The following RNF144A variants were observed in gnomAD, a reference collection of about 807,000 sequenced individuals.
RNF144A encodes the protein ring finger protein 144A.
In RNF144A, 11 loss-of-function variants were observed where a neutral mutation model predicts 38.7. That is an observed-to-expected ratio of 0.28 (90% CI 0.18 to 0.47). The LOEUF is 0.47. Ranked by LOEUF, RNF144A falls within the 20% of genes least tolerant of loss-of-function variation. The pLI is 0.99. For synonymous variants in RNF144A, 149 were observed against 143.9 expected, an observed-to-expected ratio of 1.04 and a Z score of -0.25; for missense variants, 316 against 377.2, an observed-to-expected ratio of 0.84 and a Z score of 1.34.
At chr2:7,034,398 C>A (rs754635050) in intron 8 of RNF144A, among the ~76,000 whole-genome samples, 1 of 152,188 alleles carries the variant, frequency 6.6e-6, no homozygotes. Flanking sequence ...GGACGCCCAC[C>A]CTCCTTAGGA....
intron 6 of RNF144A, among the ~76,000 whole-genome samples, chr2:7,066,047 T>C (rs1674199731): frequency 6.6e-6 from 1 of 152,212 alleles, no homozygotes; most frequent in Non-Finnish European, 1.5e-5. Context: ...CTTTAATGTT[T>C]TGTTTTCCAA....
At chr2:7,069,228 T>A (rs1004293026), downstream of RNF144A, among the ~76,000 whole-genome samples, 4 of 152,202 alleles carry the variant, frequency 2.6e-5, no homozygotes, top group Admixed American at 1.3e-4. Flanking sequence ...CCTCCCACTG[T>A]CTCCTGCATG....
At position 7,040,684 on chromosome 2, in the gene RNF144A, T is replaced by C; in HGVS notation, c.*924T>C. 1.0e-6 allele frequency: 1 copy of C among 985,478 alleles called. No homozygotes were observed. The highest frequency in any genetic ancestry group is 1.2e-6 in the Non-Finnish European group (1 of 829,948). The allele number at this position is 985,478 out of a possible 1,614,324, so 61.0% of individuals were successfully genotyped here. On this transcript the variant is annotated 3_prime_UTR_variant, in exon 9 of 9. Transcript: ENST00000320892. ...TGCCGTCTGGCCTCTGGCCTCAGTC[T>C]TCAGATAGACAGTAAGAAGAAAGCA...
At chr2:6,959,119 C>T (rs1667180748) in intron 2 of RNF144A, among the ~76,000 whole-genome samples, 1 of 152,172 alleles carries the variant, frequency 6.6e-6, no homozygotes, top group African/African-American at 2.4e-5. Flanking sequence ...CCTCTGCATC[C>T]CTGTGGCCAA....
At chr2:7,009,786 C>T (rs1055784157) in intron 3 of RNF144A, among the ~76,000 whole-genome samples, 7 of 152,190 alleles carry the variant, frequency 4.6e-5, no homozygotes, top group African/African-American at 1.4e-4. Context: ...AGCCCTCCAG[C>T]CTGTGCTGAG....
At chr2:6,939,279 G>A (rs1665812349) in intron 1 of RNF144A, among the ~76,000 whole-genome samples, 1 of 152,184 alleles carries the variant, frequency 6.6e-6, no homozygotes. Context: ...AGCCATCCTA[G>A]TGGGTGTGAA....
chr2:6,945,025 G>T (rs1666242975), intron 2 of RNF144A, among the ~76,000 whole-genome samples: 1 of 152,196 alleles, frequency 6.6e-6, no homozygotes, highest in Admixed American at 6.5e-5. Context: ...TTTTTCCCAA[G>T]TAGGAAATAT....
chr2:7,071,621 C>T (rs957161308), downstream of RNF144A, among the ~76,000 whole-genome samples: 1 of 152,128 alleles, frequency 6.6e-6, no homozygotes. Context: ...AAGAAGGAGG[C>T]CTGGCATTTA....
chr2:7,015,933 A>T (rs1671107562), intron 5 of RNF144A, among the ~76,000 whole-genome samples: 1 of 152,038 alleles, frequency 6.6e-6, no homozygotes, highest in Non-Finnish European at 1.5e-5. Flanking sequence ...AGGAGACCAG[A>T]GGACAATATC....
chr2:6,962,534 T>G lies in RNF144A; in HGVS notation c.-12+21387T>G, dbSNP rs1667410408. Among the ~76,000 whole-genome samples the G allele has an allele frequency of 6.6e-6, 1 of 152,220 alleles. No individual in the cohort carries two copies. Among genetic ancestry groups the G allele is most frequent in the African/African-American group, 2.4e-5 (1 of 41,440 alleles). On this transcript the variant is annotated intron_variant, in intron 2 of 8. Coordinates refer to ENST00000320892, the MANE Select transcript of RNF144A (RefSeq NM_014746.6). The surrounding 1 kb of genome is among the most constrained non-coding windows in gnomAD (Gnocchi z 4.1). ...GACTCTTTTTGATCTCATAATTTCT[T>G]TCTACCTCCCATATCAAAACTTTGT...
intron 3 of RNF144A, among the ~76,000 whole-genome samples, chr2:7,007,808 G>A (rs1417280107): frequency 1.3e-5 from 2 of 152,142 alleles, no homozygotes; most frequent in Admixed American, 1.3e-4. Flanking sequence ...CTGTGAATCC[G>A]GGTTTTCATA....
chr2:6,974,444 A>T (rs1375022568), intron 2 of RNF144A, among the ~76,000 whole-genome samples: 1 of 152,182 alleles, frequency 6.6e-6, no homozygotes, highest in East Asian at 1.9e-4. Context: ...AGATAATAAT[A>T]CTACCTCACT....
At chr2:7,024,289 G>A (rs188357541) in intron 6 of RNF144A, 80 bp from the exon 7 acceptor site, 24 of 1,254,414 alleles carry the variant, frequency 1.9e-5, no homozygotes, top group Admixed American at 4.9e-5. Flanking sequence ...AAGTGGAGCC[G>A]ATGCTTCCAG....
At position 7,024,397 on chromosome 2, in the gene RNF144A, G is replaced by C. The variant is rs771191884; in HGVS notation, c.538G>C (p.Ala180Pro). 1 of 1,609,106 alleles carries C rather than the reference G, an allele frequency of 6.2e-7. No homozygotes were observed. The highest frequency in any genetic ancestry group is 8.5e-7 in the Non-Finnish European group (1 of 1,175,624). The change falls in exon 7 of 9, where the codon GCG (alanine) becomes CCG (proline). Residue 180 changes from alanine to proline, a missense_variant. Coordinates refer to ENST00000320892, the MANE Select transcript of RNF144A (RefSeq NM_014746.6). ...SAAFKMEEDD[A>P]PIKRCPKCKV... ...TGCTTTCAAAATGGAAGAAGATGAC[G>C]CGCCCATCAAGCGCTGCCCCAAGTG...
chr2:6,952,366 T>A (rs955681847), intron 2 of RNF144A, among the ~76,000 whole-genome samples: 1 of 147,402 alleles, frequency 6.8e-6, no homozygotes, highest in African/African-American at 2.5e-5. Context: ...TTTCCTTAAC[T>A]GCTTTTGTCT....
Position 6,962,850 on chromosome 2 carries a change from C to A in RNF144A, c.-12+21703C>A, listed in dbSNP as rs377307461. ...ATGACTGGCCCAGCCTTGCTGGTCT[C>A]CATGGTTTATGCCATCATGATGCCA... On this transcript the variant is annotated intron_variant, in intron 2 of 8. Transcript: ENST00000320892. This position sits in a 1 kb window ranked among gnomAD's most constrained non-coding sequence, Gnocchi z 4.1. Among the ~76,000 whole-genome samples the A allele has an allele frequency of 2.6e-5, 4 of 152,164 alleles. No individual in the cohort carries two copies. The highest frequency in any genetic ancestry group is 5.9e-5 in the Non-Finnish European group (4 of 68,034).
chr2:6,920,404 C>T (rs912490191), intron 1 of RNF144A, among the ~76,000 whole-genome samples: 1 of 152,226 alleles, frequency 6.6e-6, no homozygotes, highest in Non-Finnish European at 1.5e-5. Context: ...CTGGTCCAGC[C>T]CTGGCATCAG....
chr2:7,034,024 C>T (rs972878853), intron 8 of RNF144A, among the ~76,000 whole-genome samples: 1 of 152,168 alleles, frequency 6.6e-6, no homozygotes, highest in Non-Finnish European at 1.5e-5. Context: ...TCCCAGGAGC[C>T]ATGAGAGCTG....
At chr2:7,053,234 G>A (rs1378481295) in intron 6 of RNF144A, among the ~76,000 whole-genome samples, 4 of 152,216 alleles carry the variant, frequency 2.6e-5, no homozygotes, top group Non-Finnish European at 5.9e-5. Context: ...AGTCGTAAAT[G>A]TAGACTCTCA....
Sources: allele counts gnomAD v4.1 joint callset (sites outside exome capture counted in the v4.1 genomes callset), GRCh38; gene constraint gnomAD v4.1.1; non-coding constraint Gnocchi (gnomAD v3.1); transcripts MANE v1.5; gene names NCBI Gene and HGNC (gene_info 2026-07-23, HGNC 2026-07-21).